SLC25A44: variants seen among roughly 807,000 people sequenced by gnomAD.
SLC25A44 encodes solute carrier family 25 member 44.
A neutral mutation model predicts 29.9 loss-of-function variants in SLC25A44; 17 were observed. That is an observed-to-expected ratio of 0.57 (90% CI 0.39 to 0.85). The LOEUF is 0.85. SLC25A44 is among the 40% of genes least tolerant of loss of function. The probability of loss-of-function intolerance (pLI) is 0.00; values close to 1 mark genes in which losing one functional copy is unlikely to be tolerated. For missense variants in SLC25A44, 302 were observed against 398.4 expected, an observed-to-expected ratio of 0.76 and a Z score of 2.06; for synonymous variants, 140 against 151.8, an observed-to-expected ratio of 0.92 and a Z score of 0.57.
rs899942874 is a variant in SLC25A44 at position 156,198,327 on chromosome 1, A to G, written c.-13-1508A>G. 6.6e-6 allele frequency: 1 copy of G among 151,252 alleles called. No individual in the cohort carries two copies. Among genetic ancestry groups the G allele is most frequent in the Admixed American group, 6.6e-5 (1 of 15,256 alleles). The allele number at this position is 151,252 out of a possible 1,614,324, so 9.4% of individuals were successfully genotyped here. A position where few individuals can be genotyped will look rare whatever the true frequency, so the allele number is the denominator to read the frequency against. On this transcript the variant is annotated intron_variant, in intron 1 of 3. Transcript: ENST00000359511. This position sits in a 1 kb window ranked among gnomAD's most constrained non-coding sequence, Gnocchi z 4.1. ...TCTGATTTGACATTTCCTAAATGTG[A>G]AGCTCCTGATTTTATACAATTTTGA...
chr1:156,196,189 A>AT (rs1044102122), intron 1 of SLC25A44: 4 of 152,314 alleles, frequency 2.6e-5, no homozygotes, highest in East Asian at 1.9e-4. Context: ...TGCAAAGAGG[A>AT]TTTTTTCAGA....
At chr1:156,202,563 C>T (rs1044896991) in intron 2 of SLC25A44, among the ~76,000 whole-genome samples, 2 of 152,158 alleles carry the variant, frequency 1.3e-5, no homozygotes, top group Non-Finnish European at 2.9e-5. Context: ...GGTTTGCTTA[C>T]CCCTGGCGCA....
At chr1:156,205,770 A>C (rs767023666) in intron 2 of SLC25A44, among the ~76,000 whole-genome samples, 1 of 152,118 alleles carries the variant, frequency 6.6e-6, no homozygotes, top group Non-Finnish European at 1.5e-5. Context: ...TTATTTGTTT[A>C]TTATCTCTTC....
chr1:156,199,929 AC>A lies in SLC25A44; in HGVS notation c.83del (p.Thr28LysfsTer2). ...GTTCTACGTGTTTGGTGTGGCAATG[AC>A]AATGATGATCCGTGTCAGTGTCTAC... ...KKFYVFGVAM[T>X]MMIRVSVYPF... On this transcript the variant is annotated frameshift_variant, in exon 2 of 4. Coordinates refer to ENST00000359511, the MANE Select transcript of SLC25A44 (RefSeq NM_014655.4). LOFTEE classifies it high-confidence loss of function. 1 of 1,614,184 alleles carries A rather than the reference AC, an allele frequency of 6.2e-7. No individual in the cohort carries two copies. The highest frequency in any genetic ancestry group is 8.5e-7 in the Non-Finnish European group (1 of 1,180,016).
chr1:156,202,057 A>C (rs1656615671), intron 2 of SLC25A44, among the ~76,000 whole-genome samples: 1 of 152,194 alleles, frequency 6.6e-6, no homozygotes. Flanking sequence ...TTTCTGACTT[A>C]CTTTCATTGG....
At chr1:156,209,174 A>C (rs1186828937) in intron 3 of SLC25A44, among the ~76,000 whole-genome samples, 2 of 152,218 alleles carry the variant, frequency 1.3e-5, no homozygotes, top group Non-Finnish European at 2.9e-5. Context: ...TTTGCAAATA[A>C]TAAAGTGCAC....
chr1:156,212,024 A>T lies in SLC25A44; in HGVS notation c.*1593A>T, dbSNP rs1657362427. Reference sequence around the variant, plus strand: ...ACCACTGCCCATCTTGATCTCTTTGAGGGTTTTCCCATTTCACTTGATCTT... The same window carrying T: ...ACCACTGCCCATCTTGATCTCTTTGTGGGTTTTCCCATTTCACTTGATCTT... On this transcript the variant is annotated 3_prime_UTR_variant, in exon 4 of 4. Coordinates refer to ENST00000359511, the MANE Select transcript of SLC25A44 (RefSeq NM_014655.4). 1 of 152,812 alleles carries T rather than the reference A, an allele frequency of 6.5e-6. No homozygotes were observed. Among genetic ancestry groups the T allele is most frequent in the Non-Finnish European group, 1.5e-5 (1 of 68,082 alleles). The allele number at this position is 152,812 out of a possible 1,614,324, so 9.5% of individuals were successfully genotyped here.
chr1:156,195,118 T>A (rs1237009481), intron 1 of SLC25A44, among the ~76,000 whole-genome samples: 2 of 151,860 alleles, frequency 1.3e-5, no homozygotes. Flanking sequence ...TTTTTTTTTT[T>A]TTTGAGACAG....
intron 2 of SLC25A44, among the ~76,000 whole-genome samples, chr1:156,203,699 C>CTTTTTT (rs56890643): frequency 2.8e-4 from 30 of 106,804 alleles, no homozygotes; most frequent in African/African-American, 6.2e-4. Flanking sequence ...ATTCTCTTTC[C>CTTTTTT]TTTTTTTTTT....
At chr1:156,203,216 G>C (rs1468305703) in intron 2 of SLC25A44, among the ~76,000 whole-genome samples, 1 of 152,058 alleles carries the variant, frequency 6.6e-6, no homozygotes, top group African/African-American at 2.4e-5. Flanking sequence ...TTCTCTGCCC[G>C]GACACCCTTT....
intron 3 of SLC25A44, 78 bp downstream of exon 3, chr1:156,208,091 C>A: frequency 1.5e-6 from 2 of 1,320,694 alleles, no homozygotes; most frequent in Non-Finnish European, 2.2e-6. Flanking sequence ...CAGTGTTGCC[C>A]TGACCTCTTT....
chr1:156,199,798 T>G, intron 1 of SLC25A44, 37 bp from the exon 2 acceptor site: 1 of 1,560,522 alleles, frequency 6.4e-7, no homozygotes, highest in Non-Finnish European at 8.7e-7. Flanking sequence ...AGCTCCACCC[T>G]CCTTCTTCAC....
intron 1 of SLC25A44, 190 bp from the exon 2 acceptor site, chr1:156,199,645 C>G: frequency 3.4e-6 from 2 of 588,364 alleles, no homozygotes; most frequent in South Asian, 4.3e-5. Flanking sequence ...AAGAAGGGGA[C>G]AGTATCCTGA....
At position 156,199,895 on chromosome 1, in the gene SLC25A44, CAAG is replaced by C. The variant is rs1558177352; in HGVS notation, c.55_57del (p.Lys19del). On this transcript the variant is annotated inframe_deletion, in exon 2 of 4. Transcript: ENST00000359511. ...AGATCATCGAGTGGGAACACCTGGACAAGAAGAAGTTCTACGTGTTTGGTGTGG... is the reference window on the plus strand; with the variant it reads ...AGATCATCGAGTGGGAACACCTGGACAAGAAGTTCTACGTGTTTGGTGTGG... The C allele has an allele frequency of 8.7e-6, 14 of 1,614,002 alleles. No individual in the cohort carries two copies. Among genetic ancestry groups the C allele is most frequent in the African/African-American group, 1.3e-5 (1 of 74,932 alleles).
intron 1 of SLC25A44, among the ~76,000 whole-genome samples, chr1:156,195,015 G>C (rs764918644): frequency 2.0e-5 from 3 of 152,128 alleles, no homozygotes; most frequent in Admixed American, 6.5e-5. Flanking sequence ...GAGCATCACT[G>C]TCCAGTAGAA....
intron 2 of SLC25A44, among the ~76,000 whole-genome samples, chr1:156,202,146 C>A (rs1656623081): frequency 6.6e-6 from 1 of 152,146 alleles, no homozygotes; most frequent in Non-Finnish European, 1.5e-5. Context: ...TTTCTTGTCC[C>A]CATGTCTAGT....
rs1160109354 is a variant in SLC25A44, at chr1:156,200,410, C to T, written c.563C>T (p.Ala188Val). 1.2e-6 allele frequency: 2 copies of T among 1,613,868 alleles called. No individual in the cohort carries two copies. Among genetic ancestry groups the T allele is most frequent in the South Asian group, 2.2e-5 (2 of 91,082 alleles). ...GLRGFYRGYV[A>V]SLLTYIPNSA... ...CGCGGCTTCTATCGAGGCTATGTGGCTTCACTGCTTACCTATATCCCAAAC... is the reference window on the plus strand; with the variant it reads ...CGCGGCTTCTATCGAGGCTATGTGGTTTCACTGCTTACCTATATCCCAAAC... The change falls in exon 2 of 4, where the codon GCT becomes GTT. Residue 188 changes from alanine to valine, a missense_variant. Ala to Val is a moderately conservative substitution (Grantham distance 64, BLOSUM62 0). Coordinates refer to ENST00000359511, the MANE Select transcript of SLC25A44 (RefSeq NM_014655.4).
chr1:156,197,438 A>G (rs1656282300), intron 1 of SLC25A44: 2 of 151,924 alleles, frequency 1.3e-5, no homozygotes, highest in Admixed American at 6.6e-5. Context: ...CTCTTTCACT[A>G]TCTACATGGA....
At chr1:156,209,649 A>G (rs1385501078) in intron 3 of SLC25A44, among the ~76,000 whole-genome samples, 1 of 152,090 alleles carries the variant, frequency 6.6e-6, no homozygotes, top group Non-Finnish European at 1.5e-5. Context: ...GAAGATGCCT[A>G]TATTTGTTCA....
Sources: gnomAD v4.1 joint callset for allele counts (sites outside exome capture counted in the v4.1 genomes callset) on GRCh38, gnomAD v4.1.1 for gene constraint, Gnocchi (gnomAD v3.1) non-coding constraint, MANE v1.5 for transcripts, NCBI Gene and HGNC (gene_info 2026-07-23, HGNC 2026-07-21) for gene names.